Variants in GTF3C1 observed in about 807,000 individuals in gnomAD.
The protein encoded by GTF3C1 is general transcription factor 3C polypeptide 1.
GTF3C1 carries 57 observed loss-of-function variants against 226.7 expected under a neutral mutation model. That is an observed-to-expected ratio of 0.25 (90% CI 0.20 to 0.31). GTF3C1 has a LOEUF of 0.31. GTF3C1 is among the 10% of genes least tolerant of loss of function. The pLI is 1.00. For missense variants in GTF3C1, 2,217 were observed against 2,776.1 expected (o/e 0.80, Z 4.53); for synonymous variants, 1,090 against 1,084.8 (o/e 1.00, Z -0.09).
intron 6 of GTF3C1, among the ~76,000 whole-genome samples, chr16:27,519,953 A>T (rs942289504): frequency 6.6e-6 from 1 of 152,124 alleles, no homozygotes; most frequent in African/African-American, 2.4e-5. Flanking sequence ...AAAAAAAACA[A>T]TTTTTTAAAA....
chr16:27,476,463 G>A lies in GTF3C1; in HGVS notation c.4341C>T (p.Tyr1447=), dbSNP rs1224904431. 2 of 1,608,862 alleles carry A rather than the reference G, an allele frequency of 1.2e-6. No individual in the cohort carries two copies. The highest frequency in any genetic ancestry group is 2.7e-5 in the African/African-American group (2 of 74,844). ...LALSDSQMKS[Y]QSFQTFRLYR... ...AGCCGACACCCACCTGGAATGACTG[G>A]TAGGACTTCATCTGACTGTCTGAGA... is the stretch of plus-strand genomic sequence containing the variant. The change falls in exon 29 of 37, where the codon TAC becomes TAT. Residue 1447 remains tyrosine, a synonymous_variant. Coordinates refer to ENST00000356183, the MANE Select transcript of GTF3C1 (RefSeq NM_001520.4).
chr16:27,528,345 T>C (rs950336444), intron 6 of GTF3C1, among the ~76,000 whole-genome samples: 2 of 152,200 alleles, frequency 1.3e-5, no homozygotes, highest in South Asian at 4.1e-4. Flanking sequence ...AACTTGTTTA[T>C]TTGGGCACCT....
At chr16:27,482,949 G>T in intron 26 of GTF3C1, 95 bp downstream of exon 26, 2 of 1,011,460 alleles carry the variant, frequency 2.0e-6, no homozygotes, top group Admixed American at 3.8e-5. Flanking sequence ...CGTTCCTAAG[G>T]CTGGCAGGGG....
intron 27 of GTF3C1, chr16:27,478,736 T>C (rs2087992102): frequency 1.7e-6 from 1 of 587,462 alleles, no homozygotes; most frequent in Non-Finnish European, 3.1e-6. Flanking sequence ...GCTGAGAAAA[T>C]GTGCAATGTT....
intron 10 of GTF3C1, among the ~76,000 whole-genome samples, chr16:27,505,403 G>C (rs1435453599): frequency 1.3e-5 from 2 of 152,210 alleles, no homozygotes; most frequent in Admixed American, 6.5e-5. Context: ...GCACTGTCCT[G>C]TGTATTGTAG....
At chr16:27,496,074 C>G (rs1170685445) in intron 14 of GTF3C1, among the ~76,000 whole-genome samples, 1 of 152,144 alleles carries the variant, frequency 6.6e-6, no homozygotes, top group African/African-American at 2.4e-5. Context: ...TGGTGCCATC[C>G]TCATGAGATC....
At chr16:27,503,390 C>CT (rs1161110406) in intron 10 of GTF3C1, among the ~76,000 whole-genome samples, 3 of 152,318 alleles carry the variant, frequency 2.0e-5, no homozygotes, top group East Asian at 1.9e-4. Context: ...TTCAAAAACT[C>CT]TTAACACTTT....
At chr16:27,512,026 A>G in intron 6 of GTF3C1, 125 bp from the exon 7 acceptor site, 2 of 1,023,606 alleles carry the variant, frequency 2.0e-6, no homozygotes, top group Non-Finnish European at 2.9e-6. Context: ...GGTCACACAT[A>G]TCACCGTGTC....
chr16:27,476,251 T>C (rs1054108468), intron 29 of GTF3C1, among the ~76,000 whole-genome samples, 200 bp downstream of exon 29: 1 of 152,168 alleles, frequency 6.6e-6, no homozygotes, highest in Non-Finnish European at 1.5e-5. Context: ...TCCAGTTGTA[T>C]AACATAAACA....
Position 27,465,538 on chromosome 16 carries a change from C to T in GTF3C1, c.5077G>A (p.Ala1693Thr), listed in dbSNP as rs749257962. The T allele has an allele frequency of 5.6e-6, 9 of 1,595,756 alleles. No individual in the cohort carries two copies. Among genetic ancestry groups the T allele is most frequent in the Admixed American group, 3.4e-5 (2 of 59,422 alleles). ...CCCATTGTTAGCTCTTCCAGAGGAGCGGCTGTGGGGACACAGAGGAAGATC... is the reference window on the plus strand; with the variant it reads ...CCCATTGTTAGCTCTTCCAGAGGAGTGGCTGTGGGGACACAGAGGAAGATC... ...PVPARLRPAA[A>T]PLEELTMGTS... is the part of the protein sequence containing the mutation. Residue 1693 changes from alanine (A) to threonine (T), a missense_variant and splice_region_variant, in exon 33 of 37, where the codon GCT becomes ACT. Physicochemically the swap from Ala to Thr is moderately conservative, Grantham distance 58 (BLOSUM62 0). Around this residue, in one of 12 missense-constraint regions of GTF3C1, gnomAD observed 455 missense variants for 441.9 expected, o/e 1.03. Coordinates refer to ENST00000356183, the MANE Select transcript of GTF3C1 (RefSeq NM_001520.4).
rs941853308 is a variant in GTF3C1 at position 27,469,185 on chromosome 16, C to T, written c.5074+106G>A. 19 of 1,175,740 alleles carry T rather than the reference C, an allele frequency of 1.6e-5. No individual in the cohort carries two copies. The highest frequency in any genetic ancestry group is 5.2e-5 in the East Asian group (2 of 38,714). 72.8% of individuals were successfully genotyped at this position (1,175,740 alleles called of 1,614,324 possible). A position where few individuals can be genotyped will look rare whatever the true frequency, so the allele number is the denominator to read the frequency against. On this transcript the variant is annotated intron_variant, in intron 32 of 36. Transcript: ENST00000356183. This position sits in a 1 kb window ranked among gnomAD's most constrained non-coding sequence, Gnocchi z 4.5. The stretch of plus-strand genomic sequence containing the variant: ...TTTTTCTGTGTGTTCTGTGGCTGCA[C>T]GCCTGGCCTGGGGAGCCTGAAGGTC...
chr16:27,515,308 C>T (rs900172964), intron 6 of GTF3C1, among the ~76,000 whole-genome samples: 23 of 151,892 alleles, frequency 1.5e-4, no homozygotes, highest in African/African-American at 5.3e-4. Context: ...TAGCTATAGG[C>T]GTTGGAGGTG....
chr16:27,523,148 A>G (rs1020380715), intron 6 of GTF3C1, among the ~76,000 whole-genome samples: 2 of 152,212 alleles, frequency 1.3e-5, no homozygotes, highest in South Asian at 2.1e-4. Flanking sequence ...CAGACTGCTG[A>G]GTTAACTTCT....
chr16:27,538,336 A>G lies in GTF3C1; in HGVS notation c.452T>C (p.Ile151Thr), dbSNP rs1177923658. 5 of 1,558,688 alleles carry G rather than the reference A, an allele frequency of 3.2e-6. No homozygotes were observed. In the South Asian group the frequency reaches 4.8e-5, roughly 15 times the overall value. Residue 151 changes from isoleucine (I) to threonine (T), a missense_variant, in exon 3 of 37, where the codon ATC (isoleucine) becomes ACC (threonine). Physicochemically the swap from Ile to Thr is moderately conservative, Grantham distance 89 (BLOSUM62 -1). This residue lies in a region of GTF3C1 where 192 missense variants were observed against 251.8 expected (regional missense o/e 0.76). Coordinates refer to ENST00000356183, the MANE Select transcript of GTF3C1 (RefSeq NM_001520.4). ...AFDRWGKKLIIVASQAMRYRA... is the reference protein window; with the variant it reads ...AFDRWGKKLITVASQAMRYRA... ...GTACCGCATGGCCTGGGAGGCAACG[A>G]TGATCAGTTTCTTCCCCCACCTGCA...
rs775886107 is a variant in GTF3C1 at position 27,471,819 on chromosome 16, C to T, written c.4455G>A (p.Thr1485=). 1.2e-5 allele frequency: 19 copies of T among 1,613,906 alleles called. No individual in the cohort carries two copies. Among genetic ancestry groups the T allele is most frequent in the Admixed American group, 1.0e-4 (6 of 60,000 alleles). The change falls in exon 30 of 37, where the codon ACG becomes ACA. Residue 1485 remains threonine, a synonymous_variant. Transcript: ENST00000356183. This position sits in a 1 kb window ranked among gnomAD's most constrained non-coding sequence, Gnocchi z 5.0. ...SLVNRRRVNH[T]LGPKKNRALP... is the part of the protein sequence containing the mutation. ...GGGCCCGGTTCTTCTTGGGGCCCAG[C>T]GTGTGGTTGACCCGGCGCCGGTTGA...
Position 27,469,318 on chromosome 16 carries a change from G to A in GTF3C1, c.5047C>T (p.Pro1683Ser). 6.3e-7 allele frequency: 1 copy of A among 1,577,644 alleles called. No individual in the cohort carries two copies. Among genetic ancestry groups the A allele is most frequent in the Non-Finnish European group, 8.6e-7 (1 of 1,161,004 alleles). Residue 1683 changes from proline (P) to serine (S), a missense_variant, in exon 32 of 37, where the codon CCT becomes TCT. Pro to Ser is a moderately conservative substitution (Grantham distance 74). Transcript: ENST00000356183. The surrounding 1 kb of genome is among the most constrained non-coding windows in gnomAD (Gnocchi z 4.5). ...GCGGGCCTGAGCCGGGCGGGCACAG[G>A]GGTGCAGCGGAGCTGGAACTTCATC... ...CQMKFQLRCT[P>S]VPARLRPAAA...
chr16:27,476,532 G>C lies in GTF3C1; in HGVS notation c.4272C>G (p.Ile1424Met). Residue 1424 changes from isoleucine (I) to methionine (M), a missense_variant, in exon 29 of 37, where the codon ATC (isoleucine) becomes ATG (methionine). By Grantham distance (10) the Ile-to-Met change is conservative. This residue lies in a region of GTF3C1 where 546 missense variants were observed against 663.0 expected (regional missense o/e 0.82). Coordinates refer to ENST00000356183, the MANE Select transcript of GTF3C1 (RefSeq NM_001520.4). ...KEDELNSVDDIHFLVLQNLIQ... is the reference protein window; with the variant it reads ...KEDELNSVDDMHFLVLQNLIQ... ...TCAGGTTCTGAAGCACCAGAAAGTG[G>C]ATGTCATCCACGCTGAAAGAGAGGG... is the stretch of plus-strand genomic sequence containing the variant. 1 of 1,607,958 alleles carries C rather than the reference G, an allele frequency of 6.2e-7. No homozygotes were observed. The highest frequency in any genetic ancestry group is 1.1e-5 in the South Asian group (1 of 90,848).
chr16:27,495,611 C>A, intron 14 of GTF3C1, 119 bp from the exon 15 acceptor site: 2 of 872,104 alleles, frequency 2.3e-6, no homozygotes, highest in Non-Finnish European at 3.5e-6. Context: ...GGCAAATATT[C>A]TTACTGTCTT....
chr16:27,538,999 CTCA>C (rs1054501352), intron 2 of GTF3C1, among the ~76,000 whole-genome samples: 3 of 142,950 alleles, frequency 2.1e-5, no homozygotes, highest in Non-Finnish European at 4.5e-5. Flanking sequence ...CACACACACA[CTCA>C]TCTTTTTTTT....
Sources: allele counts gnomAD v4.1 joint callset (sites outside exome capture counted in the v4.1 genomes callset), GRCh38; gene constraint gnomAD v4.1.1; regional missense constraint gnomAD v4.1.1; non-coding constraint Gnocchi (gnomAD v3.1); transcripts MANE v1.5; gene names NCBI Gene and HGNC (gene_info 2026-07-23, HGNC 2026-07-21).